Variants in GDAP1 observed in about 807,000 individuals in gnomAD.
GDAP1 encodes ganglioside induced differentiation associated protein 1, also known as ganglioside-induced differentiation-associated protein 1.
A neutral mutation model predicts 40.1 loss-of-function variants in GDAP1; 34 were observed. The ratio of observed to expected loss-of-function variants is 0.85; its 90% confidence interval spans 0.64 to 1.13. The LOEUF is 1.13. Among genes scored for constraint, GDAP1 ranks in the 50% most tolerant of loss-of-function variants. The probability of loss-of-function intolerance (pLI) is 0.00; values close to 1 mark genes in which losing one functional copy is unlikely to be tolerated. For synonymous variants in GDAP1, 170 were observed against 157.4 expected (o/e 1.08, Z -0.60); for missense variants, 374 against 433.7 (o/e 0.86, Z 1.22).
rs201534486 is a variant in GDAP1, at chr8:74,423,059, CATT to C, written c.166-65616_166-65614del. Among the ~76,000 whole-genome samples the C allele has an allele frequency of 5.6e-3, 817 of 146,530 alleles. 9 individuals are homozygous for C. The highest frequency in any genetic ancestry group is 0.019 in the African/African-American group (759 of 40,402). ...TATATATGCTATTATATGTAATAAA[CATT>C]ATATATACTATATATATTATAAAAT... On this transcript the variant is annotated intron_variant, in intron 2 of 2. Coordinates refer to the GDAP1 transcript ENST00000523640.
At chr8:74,436,253 G>A (rs1324358373) in intron 2 of GDAP1, among the ~76,000 whole-genome samples, 6 of 152,088 alleles carry the variant, frequency 3.9e-5, no homozygotes, top group Admixed American at 1.3e-4. Flanking sequence ...TTCGACCCAA[G>A]CTGGACCAAT....
chr8:74,413,994 G>A (rs775033127), intron 2 of GDAP1, among the ~76,000 whole-genome samples: 3 of 150,094 alleles, frequency 2.0e-5, no homozygotes, highest in Admixed American at 6.6e-5. Flanking sequence ...TGTAGACTTT[G>A]AGATTCAAAC....
At chr8:74,416,518 T>C (rs1805781191) in intron 2 of GDAP1, among the ~76,000 whole-genome samples, 1 of 150,318 alleles carries the variant, frequency 6.7e-6, no homozygotes, top group Non-Finnish European at 1.5e-5. Context: ...GAGTCTGTTC[T>C]GTCCACATGA....
At chr8:74,432,668 G>T (rs1054039319) in intron 2 of GDAP1, among the ~76,000 whole-genome samples, 1 of 152,112 alleles carries the variant, frequency 6.6e-6, no homozygotes, top group Admixed American at 6.5e-5. Flanking sequence ...GATTCCATCA[G>T]CGCCTTCCCT....
At chr8:74,428,979 C>G (rs1805991559) in intron 2 of GDAP1, among the ~76,000 whole-genome samples, 1 of 149,678 alleles carries the variant, frequency 6.7e-6, no homozygotes. Context: ...GTTTTTTGTC[C>G]TTGCGATAGT....
intron 2 of GDAP1, among the ~76,000 whole-genome samples, chr8:74,412,872 C>G (rs191237032): frequency 2.0e-5 from 3 of 146,466 alleles, no homozygotes; most frequent in Admixed American, 2.0e-4. Flanking sequence ...TACTGGCTAA[C>G]ATGGTGAAAC....
At chr8:74,384,516 G>A (rs1418843843) in intron 2 of GDAP1, among the ~76,000 whole-genome samples, 1 of 152,064 alleles carries the variant, frequency 6.6e-6, no homozygotes, top group East Asian at 1.9e-4. Context: ...AACACATTCA[G>A]TCTCTTGTTT....
chr8:74,438,003 G>A (rs1244573712), intron 2 of GDAP1, among the ~76,000 whole-genome samples: 4 of 151,934 alleles, frequency 2.6e-5, no homozygotes, highest in African/African-American at 9.7e-5. Flanking sequence ...GGGCATGGTG[G>A]CTCACGCCTG....
intron 2 of GDAP1, among the ~76,000 whole-genome samples, chr8:74,396,782 T>A (rs551383857): frequency 1.3e-5 from 2 of 152,310 alleles, no homozygotes; most frequent in South Asian, 4.1e-4. Context: ...TGGTTCCAAG[T>A]CTTTGCTATT....
At chr8:74,373,741 T>A (rs1263097352) in intron 2 of GDAP1, among the ~76,000 whole-genome samples, 1 of 152,072 alleles carries the variant, frequency 6.6e-6, no homozygotes, top group South Asian at 2.1e-4. Context: ...TAATTGAATA[T>A]CTTTGTTTCT....
chr8:74,411,464 T>C (rs1301355525), intron 2 of GDAP1, among the ~76,000 whole-genome samples: 1 of 149,534 alleles, frequency 6.7e-6, no homozygotes, highest in Admixed American at 6.6e-5. Flanking sequence ...TTTGAATGTT[T>C]GCTACAGTCT....
chr8:74,397,364 G>T (rs1260615650), intron 2 of GDAP1, among the ~76,000 whole-genome samples: 1 of 152,136 alleles, frequency 6.6e-6, no homozygotes, highest in Non-Finnish European at 1.5e-5. Context: ...AGTTTAATTA[G>T]ATTCCATTTG....
At chr8:74,436,420 C>CTTT (rs11337545) in intron 2 of GDAP1, among the ~76,000 whole-genome samples, 2 of 110,356 alleles carry the variant, frequency 1.8e-5, no homozygotes, top group Non-Finnish European at 3.8e-5. Flanking sequence ...CCATCCCTTC[C>CTTT]TTTTTTTTTT....
At chr8:74,413,536 A>T (rs977327555) in intron 2 of GDAP1, among the ~76,000 whole-genome samples, 3 of 149,552 alleles carry the variant, frequency 2.0e-5, no homozygotes, top group Non-Finnish European at 4.4e-5. Flanking sequence ...ACAGTCAGAG[A>T]CTGTGAAAAT....
rs1487759459 is a variant in GDAP1, at chr8:74,451,220, C to A, written c.166-37458C>A. On this transcript the variant is annotated intron_variant, in intron 2 of 2. Transcript: ENST00000523640. Reference sequence around the variant, plus strand: ...ATCCTAGCACTTTAGGGGGCTGAGGCGGGTGGATCACTTGAGGCCAGGAGT... The same window carrying A: ...ATCCTAGCACTTTAGGGGGCTGAGGAGGGTGGATCACTTGAGGCCAGGAGT... Among the ~76,000 whole-genome samples, 2 of 82,534 alleles carry A rather than the reference C, an allele frequency of 2.4e-5. 1 individual carries two copies. The highest frequency in any genetic ancestry group is 4.9e-5 in the Non-Finnish European group (2 of 40,824). 54.1% of individuals were successfully genotyped at this position (82,534 alleles called of 152,430 possible). A position where few individuals can be genotyped will look rare whatever the true frequency, so the allele number is the denominator to read the frequency against.
At chr8:74,432,350 T>TC (rs1235829580) in intron 2 of GDAP1, among the ~76,000 whole-genome samples, 1 of 152,212 alleles carries the variant, frequency 6.6e-6, no homozygotes, top group African/African-American at 2.4e-5. Context: ...ATTTTTTTTT[T>TC]CTGGTCATTC....
chr8:74,422,979 T>C (rs1353537671), intron 2 of GDAP1, among the ~76,000 whole-genome samples: 1 of 150,178 alleles, frequency 6.7e-6, no homozygotes, highest in African/African-American at 2.4e-5. Context: ...ATCTAACAAA[T>C]ATTTTTTGAA....
chr8:74,480,165 T>G (rs1806692707), intron 2 of GDAP1, among the ~76,000 whole-genome samples: 1 of 151,946 alleles, frequency 6.6e-6, no homozygotes, highest in African/African-American at 2.4e-5. Flanking sequence ...ATTTTTTGTA[T>G]TTTTGGTAGA....
At chr8:74,383,252 C>T (rs1357430866) in intron 2 of GDAP1, among the ~76,000 whole-genome samples, 4 of 152,212 alleles carry the variant, frequency 2.6e-5, no homozygotes, top group African/African-American at 4.8e-5. Context: ...TTCAAATTAG[C>T]TTGCTTTGCA....
Sources: allele counts gnomAD v4.1 joint callset (sites outside exome capture counted in the v4.1 genomes callset), GRCh38; gene constraint gnomAD v4.1.1; transcripts MANE v1.5; gene names NCBI Gene and HGNC (gene_info 2026-07-23, HGNC 2026-07-21).